THSD7B: variants seen among roughly 807,000 people sequenced by gnomAD.
The protein encoded by THSD7B is thrombospondin type-1 domain-containing protein 7B.
In THSD7B, 138 loss-of-function variants were observed where a neutral mutation model predicts 213.6. The ratio of observed to expected loss-of-function variants is 0.65; its 90% CI spans 0.56 to 0.74. THSD7B has a LOEUF of 0.74. Among genes scored for constraint, THSD7B ranks in the 30% least tolerant of loss-of-function variants. THSD7B has a pLI of 0.00. For synonymous variants in THSD7B, 742 were observed against 687.0 expected, an observed-to-expected ratio of 1.08 and a Z score of -1.25; for missense variants, 1,931 against 1,991.5, an observed-to-expected ratio of 0.97 and a Z score of 0.58.
Position 137,057,158 on chromosome 2 carries a change from G to A in THSD7B, c.878G>A (p.Trp293Ter), listed in dbSNP as rs1297672177. ...AAAGCACATCATCATTCGAAGTCTTGGGCAATAGAGATAGGTTATCAAACC... is the reference window on the plus strand; with the variant it reads ...AAAGCACATCATCATTCGAAGTCTTAGGCAATAGAGATAGGTTATCAAACC... Reference protein sequence around the residue: ...SYKAHHHSKSWAIEIGYQTRQ... With the variant: ...SYKAHHHSKS The change falls in exon 3 of 28, where the codon TGG becomes TAG. Residue 293 changes from tryptophan (W) to a stop codon, truncating the protein, a stop_gained. Transcript: ENST00000409968. LOFTEE classifies it high-confidence loss of function. 1.2e-6 allele frequency: 2 copies of A among 1,613,756 alleles called. No individual in the cohort carries two copies. Among genetic ancestry groups the A allele is most frequent in the African/African-American group, 1.3e-5 (1 of 74,876 alleles).
chr2:137,634,961 T>A (rs75860818), intron 20 of THSD7B, among the ~76,000 whole-genome samples: 1 of 152,302 alleles, frequency 6.6e-6, no homozygotes, highest in Non-Finnish European at 1.5e-5. Context: ...ACCACCTCAC[T>A]GTCTATTATT....
chr2:136,936,744 C>A (rs1040305843), intron 2 of THSD7B, among the ~76,000 whole-genome samples: 2 of 152,028 alleles, frequency 1.3e-5, no homozygotes, highest in African/African-American at 4.8e-5. Flanking sequence ...GATGGATGCA[C>A]CAAAATCTCA....
intron 3 of THSD7B, among the ~76,000 whole-genome samples, chr2:137,088,179 G>T (rs949104763): frequency 4.6e-5 from 7 of 152,000 alleles, no homozygotes; most frequent in Non-Finnish European, 7.4e-5. Flanking sequence ...GGTGGAGGTT[G>T]CAGTAAGCTG....
At chr2:136,797,837 T>G (rs182154092) in intron 1 of THSD7B, among the ~76,000 whole-genome samples, 1 of 152,102 alleles carries the variant, frequency 6.6e-6, no homozygotes, top group African/African-American at 2.4e-5. Flanking sequence ...TACTTACAGT[T>G]ATTTAACATC....
intron 7 of THSD7B, among the ~76,000 whole-genome samples, chr2:137,205,136 T>G (rs768359460): frequency 1.3e-5 from 2 of 152,116 alleles, no homozygotes; most frequent in Non-Finnish European, 2.9e-5. Context: ...GATAGGAGAA[T>G]GCTTCTGAAT....
At chr2:137,409,410 A>G (rs1319512386) in intron 13 of THSD7B, among the ~76,000 whole-genome samples, 2 of 152,248 alleles carry the variant, frequency 1.3e-5, no homozygotes, top group East Asian at 3.8e-4. Context: ...AGAATAATTC[A>G]GGGCATTCCA....
chr2:136,812,970 A>G (rs1297464655), intron 1 of THSD7B, among the ~76,000 whole-genome samples: 4 of 152,224 alleles, frequency 2.6e-5, no homozygotes, highest in African/African-American at 9.6e-5. Context: ...ATCTGGTGAT[A>G]CAAATGAGCA....
At chr2:137,312,801 A>T in intron 12 of THSD7B, among the ~76,000 whole-genome samples, 2 of 151,280 alleles carry the variant, frequency 1.3e-5, no homozygotes, top group African/African-American at 2.4e-5. Context: ...TTCAGTTTCC[A>T]TGTAGTTGAG....
intron 1 of THSD7B, among the ~76,000 whole-genome samples, chr2:136,866,141 CT>C (rs1235280835): frequency 6.6e-6 from 1 of 152,132 alleles, no homozygotes; most frequent in Non-Finnish European, 1.5e-5. Flanking sequence ...AGTGGGATTT[CT>C]TTTTTTAAGC....
At chr2:137,155,448 A>G (rs765794687) in intron 5 of THSD7B, among the ~76,000 whole-genome samples, 1 of 152,202 alleles carries the variant, frequency 6.6e-6, no homozygotes, top group Non-Finnish European at 1.5e-5. Flanking sequence ...GTAGTTTCAG[A>G]GAAAGGAGTG....
At chr2:137,667,368 G>C (rs1160857127) in intron 26 of THSD7B, among the ~76,000 whole-genome samples, 1 of 152,058 alleles carries the variant, frequency 6.6e-6, no homozygotes, top group Admixed American at 6.6e-5. Context: ...AAAACATTCA[G>C]TAAAATAAAC....
At chr2:137,053,081 G>A (rs1573791104) in intron 2 of THSD7B, among the ~76,000 whole-genome samples, 1 of 152,224 alleles carries the variant, frequency 6.6e-6, no homozygotes, top group Admixed American at 6.5e-5. Flanking sequence ...TACCTCATAA[G>A]AGCCACTATC....
At chr2:137,351,072 C>A (rs911036172) in intron 12 of THSD7B, among the ~76,000 whole-genome samples, 1 of 151,856 alleles carries the variant, frequency 6.6e-6, no homozygotes, top group Non-Finnish European at 1.5e-5. Flanking sequence ...TAATCATTCA[C>A]ATCACCATTG....
intron 1 of THSD7B, among the ~76,000 whole-genome samples, chr2:136,876,367 T>A (rs535461660): frequency 8.9e-4 from 136 of 152,340 alleles, no homozygotes; most frequent in African/African-American, 3.2e-3. Flanking sequence ...TTAGGTTTAT[T>A]TCAACTGCCT....
chr2:137,342,722 T>C (rs1684788758), intron 12 of THSD7B, among the ~76,000 whole-genome samples: 1 of 151,562 alleles, frequency 6.6e-6, no homozygotes, highest in Non-Finnish European at 1.5e-5. Flanking sequence ...TGTTTTGTTT[T>C]GTTTTGTTTT....
intron 2 of THSD7B, among the ~76,000 whole-genome samples, chr2:136,974,193 A>C (rs1051692829): frequency 6.6e-6 from 1 of 152,094 alleles, no homozygotes; most frequent in Non-Finnish European, 1.5e-5. Context: ...ATACTGTTTT[A>C]CTTTAAAAAA....
chr2:137,202,716 C>A (rs1680902971), intron 7 of THSD7B, among the ~76,000 whole-genome samples: 1 of 152,144 alleles, frequency 6.6e-6, no homozygotes, highest in African/African-American at 2.4e-5. Flanking sequence ...TGAGTTGACA[C>A]AGATACACAC....
intron 24 of THSD7B, among the ~76,000 whole-genome samples, chr2:137,659,406 G>T (rs987964832): frequency 6.6e-6 from 1 of 152,072 alleles, no homozygotes; most frequent in African/African-American, 2.4e-5. Flanking sequence ...CTCAAGCATA[G>T]CCGTATGATA....
intron 9 of THSD7B, among the ~76,000 whole-genome samples, chr2:137,239,550 T>C (rs1296311244): frequency 6.6e-6 from 1 of 152,162 alleles, no homozygotes; most frequent in East Asian, 1.9e-4. Context: ...GGTGTTTACC[T>C]CCTAACTCTA....
Sources: gnomAD v4.1 joint callset for allele counts (sites outside exome capture counted in the v4.1 genomes callset) on GRCh38, gnomAD v4.1.1 for gene constraint, MANE v1.5 for transcripts, NCBI Gene and HGNC (gene_info 2026-07-23, HGNC 2026-07-21) for gene names.